Variants in SCOC observed in about 807,000 individuals in gnomAD.
SCOC encodes the protein short coiled coil protein.
In SCOC, 7 loss-of-function variants were observed where a neutral mutation model predicts 9.9. That is an observed-to-expected ratio of 0.71 (90% CI 0.40 to 1.33). SCOC has a LOEUF of 1.33. Ranked by LOEUF, SCOC falls within the 40% of genes most tolerant of loss-of-function variation. The pLI is 0.01. For missense variants in SCOC, 66 were observed against 89.7 expected, an observed-to-expected ratio of 0.74 and a Z score of 1.07; for synonymous variants, 19 against 28.2, an observed-to-expected ratio of 0.67 and a Z score of 1.03.
chr4:140,283,135 C>T (rs1047821772), intron 1 of SCOC, among the ~76,000 whole-genome samples: 2 of 152,166 alleles, frequency 1.3e-5, no homozygotes, highest in South Asian at 4.1e-4. Flanking sequence ...TATTTTTAAG[C>T]TATCCTAGCA....
At chr4:140,297,354 C>T (rs1283992290) in intron 1 of SCOC, among the ~76,000 whole-genome samples, 2 of 152,090 alleles carry the variant, frequency 1.3e-5, no homozygotes, top group East Asian at 3.9e-4. Flanking sequence ...TGCACCTCCC[C>T]AGGAAGGGCG....
At chr4:140,316,819 C>T (rs908230464) in intron 1 of SCOC, among the ~76,000 whole-genome samples, 2 of 152,176 alleles carry the variant, frequency 1.3e-5, no homozygotes, top group Non-Finnish European at 2.9e-5. Flanking sequence ...GAATGGATTA[C>T]TTTTGTAGCA....
At chr4:140,270,323 A>G (rs1730815760) in intron 1 of SCOC, among the ~76,000 whole-genome samples, 1 of 151,970 alleles carries the variant, frequency 6.6e-6, no homozygotes, top group African/African-American at 2.4e-5. Flanking sequence ...AGGGTTATTT[A>G]TTTTTAATTT....
At chr4:140,344,196 T>C (rs1235190701) in intron 2 of SCOC, among the ~76,000 whole-genome samples, 1 of 152,182 alleles carries the variant, frequency 6.6e-6, no homozygotes, top group Non-Finnish European at 1.5e-5. Flanking sequence ...GGAGAGCAGT[T>C]CTAAAATGCT....
intron 2 of SCOC, among the ~76,000 whole-genome samples, chr4:140,348,146 A>AT (rs11348877): frequency 5.9e-5 from 9 of 151,838 alleles, no homozygotes; most frequent in East Asian, 5.8e-4. Context: ...TCACATAGTT[A>AT]TTTTTTTTAG....
At chr4:140,327,892 G>A (rs1732696212) in intron 1 of SCOC, among the ~76,000 whole-genome samples, 1 of 151,652 alleles carries the variant, frequency 6.6e-6, no homozygotes. Flanking sequence ...TTTTTTTTCT[G>A]TAGTGTTGAG....
upstream of SCOC, among the ~76,000 whole-genome samples, chr4:140,339,381 T>C (rs1445271836): frequency 6.6e-6 from 1 of 152,026 alleles, no homozygotes; most frequent in Non-Finnish European, 1.5e-5. Context: ...ATTCAGGACA[T>C]AGGCATGGGC....
intron 1 of SCOC, among the ~76,000 whole-genome samples, chr4:140,272,667 A>G (rs986886206): frequency 6.6e-6 from 1 of 152,220 alleles, no homozygotes; most frequent in Non-Finnish European, 1.5e-5. Flanking sequence ...GCATATTGAA[A>G]CATAGATGTG....
intron 1 of SCOC, among the ~76,000 whole-genome samples, chr4:140,282,171 T>C (rs180930471): frequency 6.6e-5 from 10 of 152,306 alleles, no homozygotes; most frequent in Non-Finnish European, 1.3e-4. Flanking sequence ...CATTATAATA[T>C]TAGTTGTTTA....
At chr4:140,263,571 T>A (rs1011743686) in intron 1 of SCOC, among the ~76,000 whole-genome samples, 2 of 152,048 alleles carry the variant, frequency 1.3e-5, no homozygotes, top group African/African-American at 2.4e-5. Flanking sequence ...TACCCAGTGG[T>A]CTGACAGAGC....
At chr4:140,370,526 T>C (rs555000087), upstream of SCOC, among the ~76,000 whole-genome samples, 1 of 152,348 alleles carries the variant, frequency 6.6e-6, no homozygotes, top group African/African-American at 2.4e-5. Context: ...GTCTGTTCAC[T>C]AGAATAATTA....
intron 2 of SCOC, among the ~76,000 whole-genome samples, chr4:140,346,239 T>A (rs553877724): frequency 6.6e-5 from 10 of 152,314 alleles, no homozygotes; most frequent in Non-Finnish European, 1.5e-4. Flanking sequence ...TTTAGGGAAC[T>A]CTAAAAACTG....
At chr4:140,271,934 C>T (rs1444907203) in intron 1 of SCOC, among the ~76,000 whole-genome samples, 2 of 152,112 alleles carry the variant, frequency 1.3e-5, no homozygotes, top group Non-Finnish European at 2.9e-5. Flanking sequence ...GAACGGGCGC[C>T]TGTCTGTGTG....
At chr4:140,302,880 A>G (rs1442891380) in intron 1 of SCOC, among the ~76,000 whole-genome samples, 1 of 152,242 alleles carries the variant, frequency 6.6e-6, no homozygotes, top group Non-Finnish European at 1.5e-5. Context: ...ACAGCCAAAT[A>G]TATTCAAGGG....
intron 1 of SCOC, among the ~76,000 whole-genome samples, chr4:140,311,505 G>C (rs1732154736): frequency 6.6e-6 from 1 of 152,046 alleles, no homozygotes; most frequent in South Asian, 2.1e-4. Flanking sequence ...TGAATTCTTA[G>C]GATGTTATCA....
chr4:140,373,746 C>A, intron 1 of SCOC, 29 bp downstream of exon 1: 1 of 1,537,818 alleles, frequency 6.5e-7, no homozygotes, highest in Non-Finnish European at 8.7e-7. Flanking sequence ...AGCGGAGGGC[C>A]TGGCCCCAGG....
intron 1 of SCOC, among the ~76,000 whole-genome samples, chr4:140,334,594 A>G (rs1234567657): frequency 6.6e-6 from 1 of 152,168 alleles, no homozygotes; most frequent in Admixed American, 6.6e-5. Context: ...TTGTGGTAAG[A>G]GCGCTTAATG....
At chr4:140,345,615 T>C (rs1402248347) in intron 2 of SCOC, among the ~76,000 whole-genome samples, 1 of 152,192 alleles carries the variant, frequency 6.6e-6, no homozygotes, top group Non-Finnish European at 1.5e-5. Flanking sequence ...TTCATTCAAA[T>C]TGTGGAATCC....
At chr4:140,376,726 A>C (rs1728361177) in intron 1 of SCOC, 1 of 152,318 alleles carries the variant, frequency 6.6e-6, no homozygotes, top group South Asian at 2.1e-4. Flanking sequence ...TGTTTGAATT[A>C]TATGTGGTCA....
Sources: allele counts gnomAD v4.1 joint callset (sites outside exome capture counted in the v4.1 genomes callset), GRCh38; gene constraint gnomAD v4.1.1; transcripts MANE v1.5; gene names NCBI Gene and HGNC (gene_info 2026-07-23, HGNC 2026-07-21).